The following IQSEC3 variants were observed in gnomAD, a reference collection of about 807,000 sequenced individuals.
The protein encoded by IQSEC3 is IQ motif and Sec7 domain ArfGEF 3.
Under a neutral mutation model 105.4 loss-of-function variants are expected in IQSEC3, and 50 were observed. The observed-to-expected ratio is 0.47, with a 90% CI of 0.38 to 0.60. IQSEC3 has a LOEUF of 0.60. Ranked by LOEUF, IQSEC3 falls within the 20% of genes least tolerant of loss-of-function variation. IQSEC3 has a pLI of 0.00. For synonymous variants in IQSEC3, 708 were observed against 746.0 expected (o/e 0.95, Z 0.83); for missense variants, 1,415 against 1,630.0 (o/e 0.87, Z 2.27).
intron 1 of IQSEC3, among the ~76,000 whole-genome samples, chr12:86,347 A>G (rs1490149335): frequency 6.6e-6 from 1 of 152,172 alleles, no homozygotes; most frequent in African/African-American, 2.4e-5. Context: ...TGAGATGGCC[A>G]TCACCTTTAG....
chr12:82,886 T>G (rs781995779), intron 1 of IQSEC3, among the ~76,000 whole-genome samples: 4 of 152,148 alleles, frequency 2.6e-5, no homozygotes, highest in Non-Finnish European at 4.4e-5. Flanking sequence ...AGGAGAAGTT[T>G]TTTCCAAATC....
At chr12:97,026 C>T (rs1278439482) in intron 1 of IQSEC3, among the ~76,000 whole-genome samples, 2 of 152,178 alleles carry the variant, frequency 1.3e-5, no homozygotes, top group African/African-American at 2.4e-5. Context: ...GGCATCTCAG[C>T]GTGACTTTAA....
At chr12:142,057 T>G (rs1866051992) in intron 5 of IQSEC3, 1 of 152,334 alleles carries the variant, frequency 6.6e-6, no homozygotes. Context: ...CCGTGCTCTT[T>G]CTGGCTTCCA....
Position 138,149 on chromosome 12 carries a change from C to G in IQSEC3, c.904-118C>G. ...CTTTAGCTGCCCAGGAGCGCCCCCC[C>G]GCCCCCGTCCATTCCTGGGCCCCAC... On this transcript the variant is annotated intron_variant, in intron 3 of 13. Coordinates refer to ENST00000538872, the MANE Select transcript of IQSEC3 (RefSeq NM_001170738.2). This position sits in a 1 kb window ranked among gnomAD's most constrained non-coding sequence, Gnocchi z 7.1. 1 of 908,152 alleles carries G rather than the reference C, an allele frequency of 1.1e-6. No homozygotes were observed. The highest frequency in any genetic ancestry group is 1.7e-6 in the Non-Finnish European group (1 of 603,098). 56.3% of individuals were successfully genotyped at this position (908,152 alleles called of 1,614,324 possible). A position where few individuals can be genotyped will look rare whatever the true frequency, so the allele number is the denominator to read the frequency against.
At chr12:166,204 G>A (rs1938644048) in intron 11 of IQSEC3, 2 of 360,410 alleles carry the variant, frequency 5.5e-6, no homozygotes, top group South Asian at 1.3e-4. Context: ...AGCTGGCCAG[G>A]CAGGCCCATG....
chr12:158,453 C>T lies in IQSEC3; in HGVS notation c.2443+759C>T, dbSNP rs114589176. Among the ~76,000 whole-genome samples the T allele has an allele frequency of 6.1e-3, 930 of 152,222 alleles. 9 individuals are homozygous for T. Among genetic ancestry groups the T allele is most frequent in the African/African-American group, 0.021 (868 of 41,528 alleles). ...AAGCCTGAAGTTTGATGAATGTGTA[C>T]GGTCACGTGCACTGTGTCATCACAC... is the stretch of plus-strand genomic sequence containing the variant. On this transcript the variant is annotated intron_variant, in intron 7 of 13. Coordinates refer to ENST00000538872, the MANE Select transcript of IQSEC3 (RefSeq NM_001170738.2).
At chr12:162,810 C>T (rs145887853) in intron 8 of IQSEC3, among the ~76,000 whole-genome samples, 2 of 152,152 alleles carry the variant, frequency 1.3e-5, no homozygotes, top group African/African-American at 4.8e-5. Context: ...CCTTCGCTCT[C>T]GCACACCTGC....
chr12:122,965 G>C (rs1432141227), intron 2 of IQSEC3, among the ~76,000 whole-genome samples: 1 of 152,156 alleles, frequency 6.6e-6, no homozygotes, highest in South Asian at 2.1e-4. Flanking sequence ...TATGCTGCCC[G>C]GCAGGCCCTG....
rs1213753563 is a variant in IQSEC3, at chr12:113,472, C to T, written c.624-12161C>T. On this transcript the variant is annotated intron_variant, in intron 2 of 13. Coordinates refer to ENST00000538872, the MANE Select transcript of IQSEC3 (RefSeq NM_001170738.2). ...GCAGAGGCTTTAAACCTGCTTCTTCCTTGTTCCTGTTTGAATGTGTCACCT... is the reference window on the plus strand; with the variant it reads ...GCAGAGGCTTTAAACCTGCTTCTTCTTTGTTCCTGTTTGAATGTGTCACCT... Among the ~76,000 whole-genome samples the T allele has an allele frequency of 3.3e-5, 5 of 152,220 alleles. 1 individual carries two copies. The highest frequency in any genetic ancestry group is 6.5e-5 in the Admixed American group (1 of 15,278).
intron 3 of IQSEC3, among the ~76,000 whole-genome samples, chr12:134,215 C>T (rs1237622773): frequency 1.3e-5 from 2 of 152,230 alleles, no homozygotes; most frequent in African/African-American, 4.8e-5. Flanking sequence ...TCATTGAAGG[C>T]CCACTATGTG....
intron 8 of IQSEC3, among the ~76,000 whole-genome samples, 155 bp downstream of exon 8, chr12:162,220 C>CTTTTTTTTTTTTTTTTTTTTTT (rs11307485): frequency 6.7e-6 from 1 of 150,290 alleles, no homozygotes; most frequent in Non-Finnish European, 1.5e-5. Context: ...CACTGCATCT[C>CTTTTTTTTTTTTTTTTTTTTTT]TTTTTTTTTT....
In IQSEC3 at chr12:175,060, G is replaced by C. The variant is rs1195278126; in HGVS notation, c.*27G>C. 9 of 1,479,644 alleles carry C rather than the reference G, an allele frequency of 6.1e-6. No homozygotes were observed. The East Asian group carries it at 2.2e-4, about 36-fold the overall frequency. The allele number at this position is 1,479,644 out of a possible 1,614,324, so 91.7% of individuals were successfully genotyped here. ...CTCTGCCCCACCACCCTGCTGTCCT[G>C]GGAGGGCTGGCCACTGGGGGGCCTG... On this transcript the variant is annotated 3_prime_UTR_variant, in exon 14 of 14. Coordinates refer to ENST00000538872, the MANE Select transcript of IQSEC3 (RefSeq NM_001170738.2).
Position 69,834 on chromosome 12 carries a change from G to A in IQSEC3, c.554+2398G>A, listed in dbSNP as rs112370398. ...TTTCGTCCTACCCTGCTCTCTGCCC[G>A]TGGCCCGTTTTGTATGTTTGTTCTC... On this transcript the variant is annotated intron_variant, in intron 1 of 13. Transcript: ENST00000538872. Among the ~76,000 whole-genome samples, 1,442 of 152,228 alleles carry A rather than the reference G, an allele frequency of 9.5e-3. 6 individuals are homozygous for A. Among genetic ancestry groups the A allele is most frequent in the African/African-American group, 0.022 (924 of 41,516 alleles).
chr12:76,113 C>CACACACACACACAA (rs1863512562), intron 1 of IQSEC3, among the ~76,000 whole-genome samples: 2 of 151,872 alleles, frequency 1.3e-5, no homozygotes, highest in African/African-American at 4.9e-5. Flanking sequence ...CACACACACA[C>CACACACACACACAA]ACACACACAC....
intron 6 of IQSEC3, 150 bp from the exon 7 acceptor site, chr12:157,376 GAA>G (rs1168136406): frequency 8.9e-7 from 1 of 1,122,652 alleles, no homozygotes; most frequent in Non-Finnish European, 1.2e-6. Context: ...GGGGTGTGGG[GAA>G]AAAGACCAGA....
At chr12:160,914 C>T (rs1306052103) in intron 7 of IQSEC3, among the ~76,000 whole-genome samples, 2 of 152,162 alleles carry the variant, frequency 1.3e-5, no homozygotes, top group East Asian at 3.9e-4. Context: ...ATTCCTTTCT[C>T]CCGAGTATTC....
rs1227908027 is a variant in IQSEC3, at chr12:176,132, C to G, written c.*1099C>G. The G allele has an allele frequency of 6.6e-6, 1 of 151,430 alleles. No homozygotes were observed. Among genetic ancestry groups the G allele is most frequent in the Non-Finnish European group, 1.5e-5 (1 of 68,014 alleles). 9.4% of individuals were successfully genotyped at this position (151,430 alleles called of 1,614,324 possible). ...CCCCTCAGCCTTTAAATATTCCCTC[C>G]TCCTAGAAGGTTCTAGACCCCCCCC... On this transcript the variant is annotated 3_prime_UTR_variant, in exon 14 of 14. Coordinates refer to ENST00000538872, the MANE Select transcript of IQSEC3 (RefSeq NM_001170738.2). The surrounding 1 kb of genome is among the most constrained non-coding windows in gnomAD (Gnocchi z 4.0).
At position 163,545 on chromosome 12, in the gene IQSEC3, G is replaced by A. The variant is rs1555097121; in HGVS notation, c.2635G>A (p.Val879Met). 1.2e-6 allele frequency: 2 copies of A among 1,612,044 alleles called. No homozygotes were observed. The highest frequency in any genetic ancestry group is 2.2e-5 in the South Asian group (2 of 91,020). ...GGTGTGCTGCAGCCGGCTCTTCGAG[G>A]TGACGGATGTGAACAAGCTGCAGAA... Reference protein sequence around the residue: ...RLVCCSRLFEVTDVNKLQKQA... With the variant: ...RLVCCSRLFEMTDVNKLQKQA... Residue 879 changes from valine (V) to methionine (M), a missense_variant, in exon 9 of 14, where the codon GTG becomes ATG. Physicochemically the swap from Val to Met is conservative, Grantham distance 21 (BLOSUM62 1). This residue lies in a region of IQSEC3 where 419 missense variants were observed against 436.2 expected (regional missense o/e 0.96). Coordinates refer to ENST00000538872, the MANE Select transcript of IQSEC3 (RefSeq NM_001170738.2).
At position 157,549 on chromosome 12, in the gene IQSEC3, C is replaced by A; in HGVS notation, c.2298C>A (p.Asn766Lys). The A allele has an allele frequency of 1.2e-6, 2 of 1,613,980 alleles. No individual in the cohort carries two copies. The highest frequency in any genetic ancestry group is 1.1e-5 in the South Asian group (1 of 91,046). The change falls in exon 7 of 14, where the codon AAC becomes AAA. Residue 766 changes from asparagine to lysine, a missense_variant. Transcript: ENST00000538872. ...ACAGCCAGCGCTACTGCATGTGCAA[C>A]CCCGAAGTGGTTCAGCAGTTCCACA... ...EAFSQRYCMC[N>K]PEVVQQFHNP...
Sources: allele counts gnomAD v4.1 joint callset (sites outside exome capture counted in the v4.1 genomes callset), GRCh38; gene constraint gnomAD v4.1.1; regional missense constraint gnomAD v4.1.1; non-coding constraint Gnocchi (gnomAD v3.1); transcripts MANE v1.5; gene names NCBI Gene and HGNC (gene_info 2026-07-23, HGNC 2026-07-21).